SLC44A5: variants seen among roughly 807,000 people sequenced by gnomAD.
SLC44A5 encodes solute carrier family 44 member 5.
A neutral mutation model predicts 101.8 loss-of-function variants in SLC44A5; 57 were observed. That is an observed-to-expected ratio of 0.56 (90% confidence interval 0.45 to 0.70). SLC44A5 has a LOEUF of 0.70. SLC44A5 is among the 30% of genes least tolerant of loss of function. SLC44A5 has a pLI of 0.00. For missense variants in SLC44A5, 737 were observed against 853.1 expected (o/e 0.86, Z 1.70); for synonymous variants, 281 against 290.9 (o/e 0.97, Z 0.35).
At position 75,561,948 on chromosome 1, in the gene SLC44A5, A is replaced by C. The variant is rs182071374; in HGVS notation, c.-69-20432T>G. 7.0e-4 allele frequency among the ~76,000 whole-genome samples: 105 copies of C among 150,832 alleles called. 1 individual carries two copies. Among genetic ancestry groups the C allele is most frequent in the African/African-American group, 2.5e-3 (100 of 40,262 alleles). On this transcript the variant is annotated intron_variant, in intron 1 of 23. Coordinates refer to ENST00000370859, the MANE Select transcript of SLC44A5 (RefSeq NM_001130058.2). The stretch of plus-strand genomic sequence containing the variant: ...TAATATTTTTTGTTATAAGAACACA[A>C]TTTTGGGAGGGAGGGAGGAGGTAAA...
chr1:75,603,585 T>A (rs945988189), intron 1 of SLC44A5, among the ~76,000 whole-genome samples: 4 of 151,990 alleles, frequency 2.6e-5, no homozygotes, highest in African/African-American at 7.2e-5. Context: ...CTGAACTAAT[T>A]TACATTCCCA....
the SLC44A5 span, among the ~76,000 whole-genome samples, chr1:75,685,045 T>A: frequency 1.3e-5 from 2 of 152,358 alleles, no homozygotes; most frequent in South Asian, 4.1e-4. Flanking sequence ...TCTCAACTTC[T>A]GTGCACTGGC....
chr1:75,255,273 A>G (rs1321351643), intron 6 of SLC44A5, among the ~76,000 whole-genome samples: 1 of 152,096 alleles, frequency 6.6e-6, no homozygotes, highest in Non-Finnish European at 1.5e-5. Context: ...TAAACAAACA[A>G]ACAAAAATTA....
At chr1:75,577,193 A>G (rs1268778847) in intron 1 of SLC44A5, among the ~76,000 whole-genome samples, 1 of 152,188 alleles carries the variant, frequency 6.6e-6, no homozygotes, top group African/African-American at 2.4e-5. Flanking sequence ...GGCTATTTCA[A>G]CAGCATCCTA....
At chr1:75,285,238 C>T (rs373611352) in intron 5 of SLC44A5, among the ~76,000 whole-genome samples, 31 of 152,036 alleles carry the variant, frequency 2.0e-4, no homozygotes, top group African/African-American at 7.5e-4. Context: ...TGTATATTTC[C>T]AGGAATTTAT....
chr1:75,236,734 C>T (rs1363165963), intron 11 of SLC44A5, among the ~76,000 whole-genome samples: 3 of 152,014 alleles, frequency 2.0e-5, no homozygotes, highest in African/African-American at 4.8e-5. Context: ...TTCATAGGTA[C>T]TTTTATTAGT....
intron 1 of SLC44A5, among the ~76,000 whole-genome samples, chr1:75,595,146 T>C (rs1472774727): frequency 6.6e-6 from 1 of 152,026 alleles, no homozygotes; most frequent in Non-Finnish European, 1.5e-5. Context: ...CCTCTTCTAG[T>C]GCTTCAGAAA....
At chr1:75,283,767 T>C (rs1320350185) in intron 5 of SLC44A5, among the ~76,000 whole-genome samples, 1 of 66,252 alleles carries the variant, frequency 1.5e-5, no homozygotes, top group Admixed American at 2.3e-4. Context: ...CTTTCCCTAC[T>C]TTTTTTTTTG....
chr1:75,340,374 C>T (rs867485652), intron 3 of SLC44A5, among the ~76,000 whole-genome samples: 4 of 152,052 alleles, frequency 2.6e-5, no homozygotes, highest in South Asian at 2.1e-4. Context: ...TTGCAATCCC[C>T]GACTTCTTGA....
intron 3 of SLC44A5, among the ~76,000 whole-genome samples, chr1:75,370,453 G>A (rs1660151376): frequency 6.6e-6 from 1 of 152,150 alleles, no homozygotes; most frequent in South Asian, 2.1e-4. Flanking sequence ...TTATTGCAAA[G>A]ACGCCCAGTA....
intron 1 of SLC44A5, among the ~76,000 whole-genome samples, chr1:75,597,530 C>T (rs962407969): frequency 3.3e-5 from 5 of 152,100 alleles, no homozygotes; most frequent in Admixed American, 1.3e-4. Flanking sequence ...AGGCATCATG[C>T]TACCCAACTT....
intron 2 of SLC44A5, among the ~76,000 whole-genome samples, chr1:75,530,180 TTTATTA>T (rs1050268584): frequency 1.3e-5 from 2 of 152,174 alleles, no homozygotes; most frequent in Non-Finnish European, 1.5e-5. Flanking sequence ...TTCATTGTTT[TTTATTA>T]TTATTAACAG....
chr1:75,561,093 A>G (rs938975654), intron 1 of SLC44A5, among the ~76,000 whole-genome samples: 1 of 152,190 alleles, frequency 6.6e-6, no homozygotes, highest in South Asian at 2.1e-4. Context: ...AAAGGAAACA[A>G]GATGTCAGTC....
intron 1 of SLC44A5, among the ~76,000 whole-genome samples, chr1:75,575,570 A>G (rs1673314047): frequency 1.3e-5 from 2 of 152,226 alleles, no homozygotes; most frequent in Admixed American, 6.5e-5. Context: ...CAGATCATGC[A>G]TAATTCTTTA....
chr1:75,293,128 G>A (rs1478390574), intron 5 of SLC44A5, among the ~76,000 whole-genome samples: 2 of 152,198 alleles, frequency 1.3e-5, no homozygotes, highest in Non-Finnish European at 2.9e-5. Context: ...TTCTATTAGG[G>A]AAATTCATAG....
chr1:75,234,232 A>T, intron 11 of SLC44A5, 134 bp from the exon 12 acceptor site: 1 of 668,398 alleles, frequency 1.5e-6, no homozygotes, highest in Non-Finnish European at 2.7e-6. Context: ...AGAAACATTA[A>T]TAATGTTAAA....
At chr1:75,630,416 C>T in the SLC44A5 span, among the ~76,000 whole-genome samples, 5 of 152,268 alleles carry the variant, frequency 3.3e-5, no homozygotes, top group East Asian at 1.9e-4. Flanking sequence ...CAGCCACCTG[C>T]GTGTTCAGCC....
the SLC44A5 span, among the ~76,000 whole-genome samples, chr1:75,616,350 C>T: frequency 6.6e-6 from 1 of 152,084 alleles, no homozygotes; most frequent in East Asian, 2.0e-4. Context: ...GTGGCGGCGG[C>T]GGGGAGCTGC....
At chr1:75,594,293 T>C (rs1412432277) in intron 1 of SLC44A5, among the ~76,000 whole-genome samples, 2 of 151,938 alleles carry the variant, frequency 1.3e-5, no homozygotes, top group Admixed American at 1.3e-4. Flanking sequence ...TATCAGCTTT[T>C]GAAAAATCCC....
Sources: allele counts gnomAD v4.1 joint callset (sites outside exome capture counted in the v4.1 genomes callset), GRCh38; gene constraint gnomAD v4.1.1; transcripts MANE v1.5; gene names NCBI Gene and HGNC (gene_info 2026-07-23, HGNC 2026-07-21).